The following LLGL1 variants were observed in gnomAD, a reference collection of about 807,000 sequenced individuals.
LLGL1 encodes the protein LLGL scribble cell polarity complex component 1.
A neutral mutation model predicts 110.6 loss-of-function variants in LLGL1; 58 were observed. That is an observed-to-expected ratio of 0.52 (90% confidence interval 0.42 to 0.65). The LOEUF (loss-of-function observed/expected upper bound fraction) is 0.65. Among genes scored for constraint, LLGL1 ranks in the 30% least tolerant of loss-of-function variants. LLGL1 has a pLI of 0.00. For missense variants in LLGL1, 1,229 were observed against 1,462.1 expected (o/e 0.84, Z 2.60); for synonymous variants, 674 against 607.2 (o/e 1.11, Z -1.62).
At chr17:18,226,298 C>T (rs1436527244) in intron 1 of LLGL1, among the ~76,000 whole-genome samples, 4 of 152,204 alleles carry the variant, frequency 2.6e-5, no homozygotes, top group Non-Finnish European at 4.4e-5. Flanking sequence ...CTCTGTCGCT[C>T]ACTTCTGTCT....
In LLGL1 at chr17:18,238,554, C is replaced by T; in HGVS notation, c.2151C>T (p.Asp717=). 1 of 1,613,216 alleles carries T rather than the reference C, an allele frequency of 6.2e-7. No homozygotes were observed. The highest frequency in any genetic ancestry group is 8.5e-7 in the Non-Finnish European group (1 of 1,180,034). The change falls in exon 16 of 23, where the codon GAC becomes GAT. Residue 717 remains aspartate (D), a synonymous_variant. Transcript: ENST00000316843. ...QRRIEPRSAD[D]SLSGVVRCLY... ...GCATTGAGCCCCGCTCTGCCGATGA[C>T]TCCTTGTCGGGTGTCGTGCGTTGCC...
intron 18 of LLGL1, 45 bp downstream of exon 18, chr17:18,241,760 A>G (rs199874293): frequency 6.2e-7 from 1 of 1,607,926 alleles, no homozygotes; most frequent in East Asian, 2.2e-5. Flanking sequence ...AGGCGAGCGA[A>G]CTGAGTGGGA....
In LLGL1 at chr17:18,233,770, C is replaced by T. The variant is rs2047621418; in HGVS notation, c.393-8C>T. ...GTACCCTCACTCCCTTCCCCTTGTT[C>T]CCTGCAGTGCTCCGCTCAGCCTTAC... On this transcript the variant is annotated splice_region_variant and splice_polypyrimidine_tract_variant and intron_variant, in intron 4 of 22. Transcript: ENST00000316843. 1 of 1,610,114 alleles carries T rather than the reference C, an allele frequency of 6.2e-7. No homozygotes were observed. Among genetic ancestry groups the T allele is most frequent in the Non-Finnish European group, 8.5e-7 (1 of 1,177,466 alleles).
chr17:18,237,259 G>A (rs2473656), intron 13 of LLGL1: 159,582 of 601,752 alleles, frequency 0.27, 22,857 homozygotes, highest in South Asian at 0.41. Context: ...CCCTCAGAGG[G>A]CAGGGACTAG....
intron 10 of LLGL1, 37 bp from the exon 11 acceptor site, chr17:18,235,433 C>T: frequency 6.2e-7 from 1 of 1,613,266 alleles, no homozygotes; most frequent in Non-Finnish European, 8.5e-7. Flanking sequence ...GATGTTCGTC[C>T]TAACCTTGTG....
At chr17:18,236,486 A>C (rs2047696486) in intron 11 of LLGL1, 121 bp from the exon 12 acceptor site, 15 of 950,618 alleles carry the variant, frequency 1.6e-5, no homozygotes, top group East Asian at 2.4e-5. Context: ...TAAAAGTAGG[A>C]TTCCGGTCAG....
chr17:18,232,777 A>C lies in LLGL1; in HGVS notation c.367A>C (p.Ser123Arg). The C allele has an allele frequency of 6.2e-7, 1 of 1,614,014 alleles. No individual in the cohort carries two copies. The highest frequency in any genetic ancestry group is 8.5e-7 in the Non-Finnish European group (1 of 1,180,014). The change falls in exon 4 of 23, where the codon AGC (serine) becomes CGC (arginine). Residue 123 changes from serine (S) to arginine (R), a missense_variant. Transcript: ENST00000316843. ...LEEALSFQLP[S>R]RPGFDGASAP... is the part of the protein sequence containing the mutation. ...AGAAGCACTCAGTTTCCAGCTGCCC[A>C]GCCGGCCCGGCTTTGATGGTGCCAG...
At position 18,235,526 on chromosome 17, in the gene LLGL1, G is replaced by C; in HGVS notation, c.1341G>C (p.Leu447=). The change falls in exon 11 of 23, where the codon CTG becomes CTC. Residue 447 remains leucine (L), a synonymous_variant. Transcript: ENST00000316843. ...NLAQEPSQRG[L]LLTGHEDGTV... is the part of the protein sequence containing the mutation. ...CCCAGGAGCCGTCACAGCGAGGGCT[G>C]CTGCTGACGGGGTAGGTGTGCGTGC... 1 of 1,613,782 alleles carries C rather than the reference G, an allele frequency of 6.2e-7. No homozygotes were observed. The highest frequency in any genetic ancestry group is 1.1e-5 in the South Asian group (1 of 91,060).
chr17:18,241,540 G>A lies in LLGL1; in HGVS notation c.2592G>A (p.Thr864=), dbSNP rs1292929094. 1.5e-5 allele frequency: 25 copies of A among 1,613,732 alleles called. No individual in the cohort carries two copies. Among genetic ancestry groups the A allele is most frequent in the African/African-American group, 4.0e-5 (3 of 74,944 alleles). ...GTGTGCGCAAGGTGGCACTGGCCAC[G>A]TTTGCCAGTGTGGCCTGCGAGGACT... ...GCRVRKVALA[T]FASVACEDYA... is the part of the protein sequence containing the mutation. Residue 864 remains threonine (T), a synonymous_variant, in exon 18 of 23, where the codon ACG becomes ACA. Coordinates refer to ENST00000316843, the MANE Select transcript of LLGL1 (RefSeq NM_004140.4).
rs577995803 is a variant in LLGL1, at chr17:18,243,942, G to C, written c.*36G>C. 6.5e-6 allele frequency: 1 copy of C among 152,838 alleles called. No homozygotes were observed. The highest frequency in any genetic ancestry group is 2.4e-5 in the African/African-American group (1 of 41,572). The allele number at this position is 152,838 out of a possible 1,614,324, so 9.5% of individuals were successfully genotyped here. ...AACTATCCCGACCTCCACCTGCCCT[G>C]CTCGGAGCTGGAGTGCTGGATCCCT... On this transcript the variant is annotated 3_prime_UTR_variant, in exon 23 of 23. Coordinates refer to ENST00000316843, the MANE Select transcript of LLGL1 (RefSeq NM_004140.4).
In LLGL1 at chr17:18,233,892, C is replaced by G. The variant is rs773507275; in HGVS notation, c.507C>G (p.Thr169=). Residue 169 remains threonine (T), a synonymous_variant, in exon 5 of 23, where the codon ACC becomes ACG. Transcript: ENST00000316843. Reference sequence around the variant, plus strand: ...TCTTCCTGGATGTTACCACCCTGACCCTGCTCGAGGGGCAGACGCTTGCCC... The same window carrying G: ...TCTTCCTGGATGTTACCACCCTGACGCTGCTCGAGGGGCAGACGCTTGCCC... ...SVFFLDVTTL[T]LLEGQTLAPG... 2.7e-5 allele frequency: 43 copies of G among 1,613,558 alleles called. No individual in the cohort carries two copies. The South Asian group carries it at 4.5e-4, about 17-fold the overall frequency.
Position 18,235,302 on chromosome 17 carries a change from C to A in LLGL1, c.1274C>A (p.Ser425Tyr), listed in dbSNP as rs751001689. ...AGEQQSPQPV[S>Y]SALSWPITGG... ...GAGCAGCAGAGCCCCCAGCCTGTCT[C>A]CAGTGCCTTGGTGTGTGCGGCGATC... The change falls in exon 10 of 23, where the codon TCC becomes TAC. Residue 425 changes from serine to tyrosine, a missense_variant. Coordinates refer to ENST00000316843, the MANE Select transcript of LLGL1 (RefSeq NM_004140.4). 1 of 1,610,444 alleles carries A rather than the reference C, an allele frequency of 6.2e-7. No individual in the cohort carries two copies. The highest frequency in any genetic ancestry group is 8.5e-7 in the Non-Finnish European group (1 of 1,179,886).
rs377496629 is a variant in LLGL1, at chr17:18,242,541, C to G, written c.3029C>G (p.Pro1010Arg). ...GAGCCACCCGAGGCTGCACTCTCAC[C>G]CATGTCCATCGACTCAGCCACCAGT... ...TPEPPEAALS[P>R]MSIDSATSAD... The change falls in exon 21 of 23, where the codon CCC becomes CGC. Residue 1010 changes from proline (P) to arginine (R), a missense_variant. Physicochemically the swap from Pro to Arg is moderately radical, Grantham distance 103. Coordinates refer to ENST00000316843, the MANE Select transcript of LLGL1 (RefSeq NM_004140.4). The G allele has an allele frequency of 6.2e-7, 1 of 1,613,930 alleles. No individual in the cohort carries two copies. The highest frequency in any genetic ancestry group is 1.3e-5 in the African/African-American group (1 of 74,920).
chr17:18,230,134 G>A (rs919501033), intron 2 of LLGL1, 96 bp downstream of exon 2: 9 of 950,832 alleles, frequency 9.5e-6, no homozygotes, highest in East Asian at 2.6e-5. Flanking sequence ...TGTCCAGCTC[G>A]AGAGGAGGAC....
In LLGL1 at chr17:18,242,285, G is replaced by C. The variant is rs936659900; in HGVS notation, c.2995+7G>C. ...GCCCACAGCATGGGACCTGGTGAGG[G>C]GGGCATGAAAGGGGTCCAGACCCTG... On this transcript the variant is annotated splice_region_variant and intron_variant, in intron 20 of 22. Transcript: ENST00000316843. 1.9e-6 allele frequency: 3 copies of C among 1,611,892 alleles called. No individual in the cohort carries two copies. In the African/African-American group the frequency reaches 4.0e-5, roughly 22 times the overall value.
chr17:18,234,287 A>G lies in LLGL1; in HGVS notation c.729A>G (p.Leu243=), dbSNP rs369107630. Residue 243 remains leucine, a synonymous_variant, in exon 7 of 23, where the codon CTA becomes CTG. Coordinates refer to ENST00000316843, the MANE Select transcript of LLGL1 (RefSeq NM_004140.4). ...CCTGCCCGCAGCAGCTGGAGAGCCT[A>G]TGCTGGGGGCGTGATAGCAGCACTG... ...IFLGNQQLES[L]CWGRDSSTVV... 6.7e-5 allele frequency: 108 copies of G among 1,604,768 alleles called. No individual in the cohort carries two copies. The highest frequency in any genetic ancestry group is 2.8e-4 in the African/African-American group (21 of 74,738).
rs1319762887 is a variant in LLGL1, at chr17:18,242,721, G to T, written c.3117-22G>T. The T allele has an allele frequency of 1.9e-6, 3 of 1,562,768 alleles. No individual in the cohort carries two copies. In the South Asian group the frequency reaches 3.5e-5, roughly 18 times the overall value. ...CAGGGGCTCCCCCGCCCCCACCCCTGAGCACCATCCCCATCTCGCAGCTCC... is the reference window on the plus strand; with the variant it reads ...CAGGGGCTCCCCCGCCCCCACCCCTTAGCACCATCCCCATCTCGCAGCTCC... On this transcript the variant is annotated intron_variant, in intron 21 of 22. Transcript: ENST00000316843.
chr17:18,226,115 C>T (rs1030763953), intron 1 of LLGL1, among the ~76,000 whole-genome samples: 1 of 152,094 alleles, frequency 6.6e-6, no homozygotes, highest in South Asian at 2.1e-4. Flanking sequence ...TGTCTCGCCC[C>T]AGTTGTGCCT....
At chr17:18,235,697 T>C (rs2047677846) in intron 11 of LLGL1, 160 bp downstream of exon 11, 1 of 668,084 alleles carries the variant, frequency 1.5e-6, no homozygotes, top group South Asian at 1.9e-5. Context: ...GAAACCTCCC[T>C]GGACCTTGGT....
Sources: allele counts gnomAD v4.1 joint callset (sites outside exome capture counted in the v4.1 genomes callset), GRCh38; gene constraint gnomAD v4.1.1; transcripts MANE v1.5; gene names NCBI Gene and HGNC (gene_info 2026-07-23, HGNC 2026-07-21).